TRABD2B: variants seen among roughly 807,000 people sequenced by gnomAD.
TRABD2B encodes the protein metalloprotease TIKI2.
TRABD2B carries 14 observed loss-of-function variants against 40.1 expected under a neutral mutation model. That is an observed-to-expected ratio of 0.35 (90% CI 0.23 to 0.55). TRABD2B has a LOEUF of 0.55. Among genes scored for constraint, TRABD2B ranks in the 20% least tolerant of loss-of-function variants. TRABD2B has a pLI of 0.90. For synonymous variants in TRABD2B, 263 were observed against 277.0 expected (o/e 0.95, Z 0.50); for missense variants, 541 against 648.6 (o/e 0.83, Z 1.80).
chr1:47,823,201 T>G (rs1645133685), intron 2 of TRABD2B, among the ~76,000 whole-genome samples: 1 of 152,252 alleles, frequency 6.6e-6, no homozygotes. Flanking sequence ...ACTGAACATG[T>G]AGCTGCATGG....
At chr1:47,951,001 C>T (rs1331062510) in intron 2 of TRABD2B, among the ~76,000 whole-genome samples, 1 of 152,188 alleles carries the variant, frequency 6.6e-6, no homozygotes, top group Non-Finnish European at 1.5e-5. Context: ...CAGAGCAGGC[C>T]TTCAATGCAT....
intron 2 of TRABD2B, among the ~76,000 whole-genome samples, chr1:47,883,723 T>C (rs1229070733): frequency 3.3e-5 from 5 of 152,252 alleles, no homozygotes; most frequent in Non-Finnish European, 7.3e-5. Flanking sequence ...GGGAGGCAGA[T>C]GCTCAGAGGG....
At chr1:47,814,610 CT>C (rs1446671530) in intron 2 of TRABD2B, among the ~76,000 whole-genome samples, 1 of 152,188 alleles carries the variant, frequency 6.6e-6, no homozygotes, top group Non-Finnish European at 1.5e-5. Flanking sequence ...CCTTCCCCGA[CT>C]TTTGAATCTG....
At chr1:47,988,548 C>A (rs911100755) in intron 2 of TRABD2B, among the ~76,000 whole-genome samples, 1 of 152,122 alleles carries the variant, frequency 6.6e-6, no homozygotes, top group Non-Finnish European at 1.5e-5. Flanking sequence ...CAGGCTGGGG[C>A]TCTCCTGTCT....
intron 4 of TRABD2B, among the ~76,000 whole-genome samples, chr1:47,779,851 A>C (rs1644496865): frequency 6.6e-6 from 1 of 152,236 alleles, no homozygotes; most frequent in Non-Finnish European, 1.5e-5. Flanking sequence ...TGGAAGCCAG[A>C]AGGTCAGCAT....
At chr1:47,980,159 C>T (rs1451516179) in intron 2 of TRABD2B, among the ~76,000 whole-genome samples, 3 of 152,152 alleles carry the variant, frequency 2.0e-5, no homozygotes, top group African/African-American at 4.8e-5. Context: ...GTGTTCTCCA[C>T]ATGTGAGTGT....
intron 2 of TRABD2B, among the ~76,000 whole-genome samples, chr1:47,871,591 G>A (rs538427523): frequency 2.6e-5 from 4 of 152,224 alleles, no homozygotes; most frequent in Non-Finnish European, 4.4e-5. Context: ...CATACCTGCC[G>A]CTCACACACT....
chr1:47,770,225 G>C (rs1456665453), intron 6 of TRABD2B, among the ~76,000 whole-genome samples: 2 of 152,158 alleles, frequency 1.3e-5, no homozygotes, highest in Non-Finnish European at 2.9e-5. Flanking sequence ...CTCTGCCTGG[G>C]GATAGAGATC....
intron 2 of TRABD2B, among the ~76,000 whole-genome samples, chr1:47,929,041 C>A (rs536504687): frequency 1.0e-3 from 154 of 152,386 alleles, no homozygotes; most frequent in African/African-American, 3.5e-3. Context: ...AAGGCCTTTA[C>A]ACATGCTGTT....
chr1:47,814,351 T>A (rs1645002846), intron 2 of TRABD2B, among the ~76,000 whole-genome samples: 1 of 152,186 alleles, frequency 6.6e-6, no homozygotes, highest in Non-Finnish European at 1.5e-5. Context: ...TCATCAGGCT[T>A]TCTCTTTAGA....
Position 47,933,272 on chromosome 1 carries a change from A to AT in TRABD2B, c.666+60761dup, listed in dbSNP as rs111671588. On this transcript the variant is annotated intron_variant, in intron 2 of 6. Transcript: ENST00000606738. ...AGGCACCCGCCACCACGCCTGGCTAATTTTTTTTTTTGTATTTTTTTAGTA... is the reference window on the plus strand; with the variant it reads ...AGGCACCCGCCACCACGCCTGGCTAATTTTTTTTTTTTGTATTTTTTTAGTA... 2.5e-3 allele frequency among the ~76,000 whole-genome samples: 366 copies of AT among 146,540 alleles called. 1 individual carries two copies. Among genetic ancestry groups the AT allele is most frequent in the South Asian group, 5.1e-3 (23 of 4,554 alleles).
Position 47,968,614 on chromosome 1 carries a change from A to T in TRABD2B, c.666+25420T>A, listed in dbSNP as rs117192946. On this transcript the variant is annotated intron_variant, in intron 2 of 6. Coordinates refer to ENST00000606738, the MANE Select transcript of TRABD2B (RefSeq NM_001194986.2). ...CTTTGAATCACCTCAACCACTCACCATGTATGAGCCCCCAGGCAGAAGCTC... is the reference window on the plus strand; with the variant it reads ...CTTTGAATCACCTCAACCACTCACCTTGTATGAGCCCCCAGGCAGAAGCTC... Among the ~76,000 whole-genome samples the T allele has an allele frequency of 1.2e-3, 186 of 152,226 alleles. 1 individual carries two copies. In the East Asian group the frequency reaches 0.032, roughly 27 times the overall value.
intron 2 of TRABD2B, among the ~76,000 whole-genome samples, chr1:47,869,691 T>C (rs1401071426): frequency 6.6e-6 from 1 of 152,186 alleles, no homozygotes; most frequent in East Asian, 1.9e-4. Flanking sequence ...GAAGAACCTA[T>C]TTCTGAGGCT....
intron 2 of TRABD2B, among the ~76,000 whole-genome samples, chr1:47,978,236 C>T (rs1645787486): frequency 6.6e-6 from 1 of 152,126 alleles, no homozygotes; most frequent in South Asian, 2.1e-4. Flanking sequence ...GACATGGCAC[C>T]ATCCGTGAAC....
At chr1:47,977,937 T>C (rs933674798) in intron 2 of TRABD2B, among the ~76,000 whole-genome samples, 2 of 152,046 alleles carry the variant, frequency 1.3e-5, no homozygotes, top group Non-Finnish European at 1.5e-5. Flanking sequence ...CTGGGTTTCA[T>C]GTTCCTCATC....
intron 6 of TRABD2B, among the ~76,000 whole-genome samples, chr1:47,773,320 G>T (rs1569885662): frequency 6.6e-6 from 1 of 152,388 alleles, no homozygotes; most frequent in Admixed American, 6.5e-5. Context: ...CGATTAGAAG[G>T]GGGAGGCCCA....
At chr1:47,920,578 G>C (rs1644888649) in intron 2 of TRABD2B, among the ~76,000 whole-genome samples, 1 of 152,222 alleles carries the variant, frequency 6.6e-6, no homozygotes. Flanking sequence ...GCATGGCTCT[G>C]AAGTGGGGAA....
At chr1:47,984,854 T>C (rs925360045) in intron 2 of TRABD2B, among the ~76,000 whole-genome samples, 1 of 134,304 alleles carries the variant, frequency 7.4e-6, no homozygotes, top group African/African-American at 2.9e-5. Context: ...CCTGCACGGA[T>C]GCTGTGTCCC....
chr1:47,910,259 T>A (rs1644744849), intron 2 of TRABD2B, among the ~76,000 whole-genome samples: 1 of 151,964 alleles, frequency 6.6e-6, no homozygotes, highest in South Asian at 2.1e-4. Flanking sequence ...GAAACTGAGG[T>A]TTAGAGAGGT....
Sources: gnomAD v4.1 joint callset for allele counts (sites outside exome capture counted in the v4.1 genomes callset) on GRCh38, gnomAD v4.1.1 for gene constraint, MANE v1.5 for transcripts, NCBI Gene and HGNC (gene_info 2026-07-23, HGNC 2026-07-21) for gene names.